The following VGLL1 variants were observed in gnomAD, a reference collection of about 807,000 sequenced individuals.
The protein encoded by VGLL1 is transcription cofactor vestigial-like protein 1.
Under a neutral mutation model 12.0 loss-of-function variants are expected in VGLL1, and 4 were observed. That is an observed-to-expected ratio of 0.33 (90% CI 0.16 to 0.76). The LOEUF is 0.76. VGLL1 is among the 30% of genes least tolerant of loss of function. The pLI is 0.60. For synonymous variants in VGLL1, 87 were observed against 81.2 expected (o/e 1.07, Z -0.39); for missense variants, 204 against 208.7 (o/e 0.98, Z 0.14).
rs182243152 is a variant in VGLL1 at position 136,548,529 on chromosome X, A to C, written c.215-60A>C. On this transcript the variant is annotated intron_variant, in intron 2 of 4. Transcript: ENST00000370634. ...AAATAGAGTATGTATTAAAAAAAAAACTACATCCATTTTGAAAACAATAAA... is the reference window on the plus strand; with the variant it reads ...AAATAGAGTATGTATTAAAAAAAAACCTACATCCATTTTGAAAACAATAAA... 266 of 1,111,148 alleles carry C rather than the reference A, an allele frequency of 2.4e-4. 1 individual carries two copies. In the African/African-American group the frequency reaches 4.2e-3, roughly 18 times the overall value. 91.6% of individuals were successfully genotyped at this position (1,111,148 alleles called of 1,213,427 possible).
Position 136,551,131 on chromosome X carries a change from A to G in VGLL1, c.688+310A>G, listed in dbSNP as rs1345917967. On this transcript the variant is annotated intron_variant, in intron 4 of 4. Transcript: ENST00000370634. ...AACCTGAGTTTGACTTAACTGAAGT[A>G]GCCAAGGTGACTCAGAAAAATTAAG... Among the ~76,000 whole-genome samples the G allele has an allele frequency of 3.6e-5, 4 of 110,419 alleles. No individual in the cohort carries two copies. The Admixed American group carries it at 3.9e-4, about 11-fold the overall frequency.
chrX:136,547,868 A>C (rs1465248582), intron 2 of VGLL1, among the ~76,000 whole-genome samples: 2 of 112,125 alleles, frequency 1.8e-5, no homozygotes, highest in Non-Finnish European at 3.8e-5. Context: ...ATAGAAAAAA[A>C]TGGAAATAAC....
intron 1 of VGLL1, among the ~76,000 whole-genome samples, chrX:136,534,017 A>C (rs768322681): frequency 1.7e-4 from 19 of 112,559 alleles, no homozygotes; most frequent in African/African-American, 5.5e-4. Flanking sequence ...TTTCTGGCAC[A>C]CAGTAGGTGT....
intron 1 of VGLL1, among the ~76,000 whole-genome samples, chrX:136,535,052 A>G (rs776101000): frequency 7.1e-5 from 8 of 112,167 alleles, no homozygotes; most frequent in Admixed American, 6.6e-4. Context: ...GCATCCTGAC[A>G]GGCTACTTCC....
chrX:136,545,776 T>C (rs1030221056), intron 2 of VGLL1, among the ~76,000 whole-genome samples: 1 of 111,564 alleles, frequency 9.0e-6, no homozygotes, highest in African/African-American at 3.3e-5. Flanking sequence ...AGATGTTTTC[T>C]AGAGTGTTCT....
At position 136,548,829 on chromosome X, in the gene VGLL1, C is replaced by G; in HGVS notation, c.455C>G (p.Ala152Gly). ...LEPGYSHPFP[A>G]RHLVPEPQPD... ...CCTGGCTACTCTCATCCCTTCCCCG[C>G]TCGGCACCTGGTTCCAGAGCCCCAG... The change falls in exon 3 of 5, where the codon GCT (alanine) becomes GGT (glycine). Residue 152 changes from alanine to glycine, a missense_variant. Ala to Gly is a moderately conservative substitution (Grantham distance 60). Coordinates refer to ENST00000370634, the MANE Select transcript of VGLL1 (RefSeq NM_016267.4). 8.2e-7 allele frequency: 1 copy of G among 1,212,183 alleles called. No homozygotes were observed. Among genetic ancestry groups the G allele is most frequent in the East Asian group, 3.0e-5 (1 of 33,833 alleles).
chrX:136,548,815 T>G lies in VGLL1; in HGVS notation c.441T>G (p.Ser147=). Residue 147 remains serine, a synonymous_variant, in exon 3 of 5, where the codon TCT becomes TCG. Transcript: ENST00000370634. ...CCAGCTCCTTAGAGCCTGGCTACTC[T>G]CATCCCTTCCCCGCTCGGCACCTGG... The part of the protein sequence containing the change: ...AGTSSLEPGY[S]HPFPARHLVP... 8.3e-7 allele frequency: 1 copy of G among 1,212,100 alleles called. No homozygotes were observed. The highest frequency in any genetic ancestry group is 1.1e-6 in the Non-Finnish European group (1 of 895,631).
chrX:136,538,443 G>A (rs897775186), intron 2 of VGLL1, among the ~76,000 whole-genome samples: 1 of 112,430 alleles, frequency 8.9e-6, no homozygotes, highest in African/African-American at 3.2e-5. Flanking sequence ...TGCCTCCTGT[G>A]CCTAATGGAG....
chrX:136,535,836 A>T (rs1374059420), intron 1 of VGLL1, among the ~76,000 whole-genome samples, 160 bp from the exon 2 acceptor site: 1 of 111,268 alleles, frequency 9.0e-6, no homozygotes, highest in East Asian at 2.8e-4. Context: ...TCTCAACAGC[A>T]TCGTCATTGA....
intron 2 of VGLL1, among the ~76,000 whole-genome samples, chrX:136,542,212 T>TA (rs1556056743): frequency 0.015 from 1,551 of 105,443 alleles, 20 homozygotes; most frequent in African/African-American, 0.031. Context: ...TGGCTTTTTT[T>TA]AAAAAAAAAA....
chrX:136,555,888 A>G (rs1400973020), intron 4 of VGLL1, among the ~76,000 whole-genome samples: 3 of 111,218 alleles, frequency 2.7e-5, no homozygotes, highest in African/African-American at 9.8e-5. Context: ...GCGAACTCTC[A>G]GTTGGGTTGT....
intron 4 of VGLL1, among the ~76,000 whole-genome samples, chrX:136,551,923 A>C (rs745911116): frequency 9.0e-6 from 1 of 111,009 alleles, no homozygotes; most frequent in South Asian, 3.9e-4. Flanking sequence ...CTCCATAAAA[A>C]ATAAAAATAG....
chrX:136,553,306 C>CTTTTTTTTTTT (rs1226003954), intron 4 of VGLL1, among the ~76,000 whole-genome samples: 8 of 72,408 alleles, frequency 1.1e-4, no homozygotes, highest in Non-Finnish European at 2.0e-4. Context: ...ATGTTTTATT[C>CTTTTTTTTTTT]TTTTTTTTTT....
At chrX:136,548,452 A>T in intron 2 of VGLL1, 137 bp from the exon 3 acceptor site, 1 of 663,299 alleles carries the variant, frequency 1.5e-6, no homozygotes, top group East Asian at 3.3e-5. Flanking sequence ...TCTGGATATT[A>T]TCATTAGGAT....
Position 136,536,236 on chromosome X carries a change from T to G in VGLL1, c.214+2T>G. On this transcript the variant is annotated splice_donor_variant, in intron 2 of 4. Transcript: ENST00000370634. LOFTEE classifies it high-confidence loss of function. ...GTGAAGGTGTGATGCTGAAAAACGG[T>G]GAGCATGTGGGGAGGGAGGGAGCTG... is the stretch of plus-strand genomic sequence containing the variant. 8.3e-7 allele frequency: 1 copy of G among 1,207,756 alleles called. No individual in the cohort carries two copies.
At chrX:136,547,171 TC>T (rs1254440811) in intron 2 of VGLL1, among the ~76,000 whole-genome samples, 10 of 112,488 alleles carry the variant, frequency 8.9e-5, no homozygotes, top group African/African-American at 3.2e-4. Flanking sequence ...CGGCTAATCT[TC>T]CTTTGTCTCC....
In VGLL1 at chrX:136,556,723, T is replaced by C; in HGVS notation, c.*184T>C. On this transcript the variant is annotated 3_prime_UTR_variant, in exon 5 of 5. Transcript: ENST00000370634. ...AAATCCCAGAAGCCCCCGCTGTCAA[T>C]GTTCCCCATCCACACCCTGCTTGCT... 2 of 410,005 alleles carry C rather than the reference T, an allele frequency of 4.9e-6. No individual in the cohort carries two copies. The highest frequency in any genetic ancestry group is 8.5e-6 in the Non-Finnish European group (2 of 236,440). The allele number at this position is 410,005 out of a possible 1,213,427, so 33.8% of individuals were successfully genotyped here. A position where few individuals can be genotyped will look rare whatever the true frequency, so the allele number is the denominator to read the frequency against.
At position 136,556,750 on chromosome X, in the gene VGLL1, CTGTG is replaced by C; in HGVS notation, c.*213_*216del. On this transcript the variant is annotated 3_prime_UTR_variant, in exon 5 of 5. Transcript: ENST00000370634. The stretch of plus-strand genomic sequence containing the variant: ...TTCCCCATCCACACCCTGCTTGCTC[CTGTG>C]TAACAGCTCAGATGATGAATAATAA... The C allele has an allele frequency of 5.3e-6, 2 of 375,854 alleles. No homozygotes were observed. Among genetic ancestry groups the C allele is most frequent in the East Asian group, 8.4e-5 (2 of 23,926 alleles). 31.0% of individuals were successfully genotyped at this position (375,854 alleles called of 1,213,427 possible). A position where few individuals can be genotyped will look rare whatever the true frequency, so the allele number is the denominator to read the frequency against.
At chrX:136,536,273 C>G in intron 2 of VGLL1, 39 bp downstream of exon 2, 1 of 1,158,165 alleles carries the variant, frequency 8.6e-7, no homozygotes, top group Non-Finnish European at 1.2e-6. Context: ...GATTCCCTAT[C>G]AAGGCTGCCA....
Sources: gnomAD v4.1 joint callset for allele counts (sites outside exome capture counted in the v4.1 genomes callset) on GRCh38, gnomAD v4.1.1 for gene constraint, MANE v1.5 for transcripts, NCBI Gene and HGNC (gene_info 2026-07-23, HGNC 2026-07-21) for gene names.